The following PTPRD variants were observed in gnomAD, a reference collection of about 807,000 sequenced individuals.
PTPRD encodes receptor-type tyrosine-protein phosphatase delta.
PTPRD carries 34 observed loss-of-function variants against 214.5 expected under a neutral mutation model. That is an observed-to-expected ratio of 0.16 (90% CI 0.12 to 0.21). The LOEUF is 0.21. Ranked by LOEUF, PTPRD falls within the 10% of genes least tolerant of loss-of-function variation. The pLI, the probability that PTPRD is intolerant of heterozygous loss-of-function variation, is 1.00. For missense variants in PTPRD, 2,545 were observed against 2,398.7 expected, an observed-to-expected ratio of 1.06 and a Z score of -1.27; for synonymous variants, 1,128 against 845.7, an observed-to-expected ratio of 1.33 and a Z score of -5.79.
chr9:9,865,045 GATGTATTTT>G (rs140288268), intron 5 of PTPRD, among the ~76,000 whole-genome samples: 10,062 of 152,042 alleles, frequency 0.066, 705 homozygotes, highest in African/African-American at 0.18. Context: ...TTTGAAGTGT[GATGTATTTT>G]ATTGTGTTCT....
rs1200784710 is a variant in PTPRD at position 8,934,426 on chromosome 9, TATATATATAA to T, written c.-104+84261_-104+84270del. 3.4e-3 allele frequency among the ~76,000 whole-genome samples: 187 copies of T among 55,318 alleles called. 3 individuals are homozygous for T. The highest frequency in any genetic ancestry group is 0.013 in the African/African-American group (179 of 13,984). The allele number at this position is 55,318 out of a possible 152,430, so 36.3% of individuals were successfully genotyped here. A position where few individuals can be genotyped will look rare whatever the true frequency, so the allele number is the denominator to read the frequency against. On this transcript the variant is annotated intron_variant, in intron 11 of 45. Coordinates refer to ENST00000381196, the MANE Select transcript of PTPRD (RefSeq NM_002839.4). ...GTGTGTGTGTGTGTGTGTGTGTATATATATATATAAATATATATATAAATTTATATATATA... is the reference window on the plus strand; with the variant it reads ...GTGTGTGTGTGTGTGTGTGTGTATATATATATATATAAATTTATATATATA...
At chr9:9,971,566 G>A (rs2095104251) in intron 4 of PTPRD, among the ~76,000 whole-genome samples, 1 of 152,126 alleles carries the variant, frequency 6.6e-6, no homozygotes, top group East Asian at 1.9e-4. Flanking sequence ...TTAGATTATG[G>A]CATAGGATTC....
intron 2 of PTPRD, among the ~76,000 whole-genome samples, chr9:10,375,761 G>C (rs919437214): frequency 1.3e-5 from 2 of 151,916 alleles, no homozygotes; most frequent in South Asian, 2.1e-4. Context: ...GAAAACCTTT[G>C]AGATTTTTTA....
intron 11 of PTPRD, among the ~76,000 whole-genome samples, chr9:8,829,340 T>C (rs1161279953): frequency 6.6e-6 from 1 of 152,198 alleles, no homozygotes; most frequent in Non-Finnish European, 1.5e-5. Context: ...TTTTTGTCAC[T>C]ATAGATTAGT....
At chr9:9,140,618 G>C (rs974089964) in intron 10 of PTPRD, among the ~76,000 whole-genome samples, 1 of 152,110 alleles carries the variant, frequency 6.6e-6, no homozygotes. Context: ...TCGCTCTGTC[G>C]CCCAGGCTGG....
intron 5 of PTPRD, among the ~76,000 whole-genome samples, chr9:9,862,726 G>A (rs949365856): frequency 1.3e-5 from 2 of 151,284 alleles, no homozygotes; most frequent in African/African-American, 4.9e-5. Context: ...TATTGGTGGG[G>A]GGCGGGGGGG....
intron 3 of PTPRD, among the ~76,000 whole-genome samples, chr9:10,077,673 T>A (rs1337096038): frequency 1.3e-5 from 2 of 152,100 alleles, no homozygotes; most frequent in Non-Finnish European, 2.9e-5. Flanking sequence ...TAGGCACCCA[T>A]GTCTGTTGTT....
intron 3 of PTPRD, among the ~76,000 whole-genome samples, chr9:10,086,818 A>C (rs1320148440): frequency 6.6e-6 from 1 of 151,832 alleles, no homozygotes. Flanking sequence ...AGATGAGTTC[A>C]AATCTCTGCT....
chr9:10,511,938 A>C (rs2048250690), intron 2 of PTPRD, among the ~76,000 whole-genome samples: 1 of 70,276 alleles, frequency 1.4e-5, no homozygotes, highest in African/African-American at 4.6e-5. Flanking sequence ...ATACGTGTAT[A>C]TATATATACG....
At chr9:10,427,404 A>G (rs944603926) in intron 2 of PTPRD, among the ~76,000 whole-genome samples, 1 of 152,072 alleles carries the variant, frequency 6.6e-6, no homozygotes, top group East Asian at 1.9e-4. Flanking sequence ...GGCCACACTC[A>G]GGTTTTGGTA....
At chr9:10,469,150 A>G (rs1170687937) in intron 2 of PTPRD, among the ~76,000 whole-genome samples, 1 of 152,168 alleles carries the variant, frequency 6.6e-6, no homozygotes, top group Non-Finnish European at 1.5e-5. Context: ...AGTTATACCA[A>G]TCCAAATGGA....
At chr9:8,956,012 T>G (rs2099129777) in intron 11 of PTPRD, among the ~76,000 whole-genome samples, 1 of 151,894 alleles carries the variant, frequency 6.6e-6, no homozygotes. Context: ...CAAGTATCCT[T>G]TAGAAAGTAT....
At chr9:9,053,544 G>C (rs1167312511) in intron 10 of PTPRD, among the ~76,000 whole-genome samples, 2 of 152,090 alleles carry the variant, frequency 1.3e-5, no homozygotes, top group Non-Finnish European at 2.9e-5. Flanking sequence ...AATTAGCTTA[G>C]GAAGGATCCT....
chr9:8,385,691 A>C (rs966930537), intron 37 of PTPRD, among the ~76,000 whole-genome samples: 1 of 152,194 alleles, frequency 6.6e-6, no homozygotes, highest in Non-Finnish European at 1.5e-5. Flanking sequence ...CACTACATGT[A>C]ACCCATGTCT....
At chr9:8,323,142 T>C (rs1164570240) in intron 44 of PTPRD, among the ~76,000 whole-genome samples, 1 of 152,046 alleles carries the variant, frequency 6.6e-6, no homozygotes, top group Non-Finnish European at 1.5e-5. Context: ...TATAGCATGG[T>C]TGACTGAACA....
intron 19 of PTPRD, among the ~76,000 whole-genome samples, chr9:8,522,853 T>C (rs1294984912): frequency 6.6e-6 from 1 of 152,134 alleles, no homozygotes; most frequent in Non-Finnish European, 1.5e-5. Flanking sequence ...TTTTTAAAAA[T>C]TATAAATAAA....
chr9:10,327,304 A>G (rs979029513), intron 3 of PTPRD, among the ~76,000 whole-genome samples: 2 of 150,784 alleles, frequency 1.3e-5, no homozygotes, highest in African/African-American at 2.4e-5. Context: ...ACTTACTCTC[A>G]TGGCAGTTGA....
intron 8 of PTPRD, among the ~76,000 whole-genome samples, chr9:9,503,524 A>G (rs902543931): frequency 3.3e-5 from 5 of 151,752 alleles, no homozygotes; most frequent in Non-Finnish European, 7.4e-5. Flanking sequence ...AGAGGAGGCC[A>G]TGGAATGTTT....
intron 10 of PTPRD, among the ~76,000 whole-genome samples, chr9:9,123,688 CA>C (rs2099819783): frequency 6.6e-6 from 1 of 152,042 alleles, no homozygotes; most frequent in African/African-American, 2.4e-5. Flanking sequence ...TATTTCAGAA[CA>C]AAAGGGTGTA....
Sources: allele counts gnomAD v4.1 joint callset (sites outside exome capture counted in the v4.1 genomes callset), GRCh38; gene constraint gnomAD v4.1.1; transcripts MANE v1.5; gene names NCBI Gene and HGNC (gene_info 2026-07-23, HGNC 2026-07-21).